The following SLC10A7 variants were observed in gnomAD, a reference collection of about 807,000 sequenced individuals.
The protein encoded by SLC10A7 is sodium/bile acid cotransporter 7.
In SLC10A7, 29 loss-of-function variants were observed where a neutral mutation model predicts 43.2. The observed-to-expected ratio is 0.67, with a 90% CI of 0.50 to 0.92. The LOEUF (loss-of-function observed/expected upper bound fraction) is 0.92. SLC10A7 is among the 40% of genes least tolerant of loss of function. The pLI, the probability that SLC10A7 is intolerant of heterozygous loss-of-function variation, is 0.00. For synonymous variants in SLC10A7, 152 were observed against 144.8 expected, an observed-to-expected ratio of 1.05 and a Z score of -0.35; for missense variants, 295 against 403.2, an observed-to-expected ratio of 0.73 and a Z score of 2.30.
intron 7 of SLC10A7, among the ~76,000 whole-genome samples, 176 bp downstream of exon 7, chr4:146,305,750 T>G (rs138373714): frequency 6.6e-6 from 1 of 152,046 alleles, no homozygotes; most frequent in African/African-American, 2.4e-5. Context: ...AGATTAGTAT[T>G]AATTTAAAAA....
chr4:146,506,455 A>G (rs17021551), intron 3 of SLC10A7, among the ~76,000 whole-genome samples: 7,035 of 152,160 alleles, frequency 0.046, 510 homozygotes, highest in African/African-American at 0.16. Flanking sequence ...ATACAATCCC[A>G]CTTTTCTCAT....
At chr4:146,392,848 A>T (rs1738540480) in intron 5 of SLC10A7, among the ~76,000 whole-genome samples, 1 of 152,072 alleles carries the variant, frequency 6.6e-6, no homozygotes, top group Non-Finnish European at 1.5e-5. Context: ...CCCACAAGAC[A>T]CTGCATGACC....
At chr4:146,442,680 T>C in intron 5 of SLC10A7, 103 bp downstream of exon 5, 1 of 1,534,182 alleles carries the variant, frequency 6.5e-7, no homozygotes, top group South Asian at 1.3e-5. Flanking sequence ...ACAATTTTTA[T>C]ACTTAACCAA....
chr4:146,517,495 A>G (rs1174166674), intron 1 of SLC10A7, among the ~76,000 whole-genome samples: 1 of 152,024 alleles, frequency 6.6e-6, no homozygotes, highest in East Asian at 1.9e-4. Flanking sequence ...TAACAACAAT[A>G]ATAATCTACT....
chr4:146,325,603 C>A (rs1028657496), intron 6 of SLC10A7, among the ~76,000 whole-genome samples: 1 of 152,144 alleles, frequency 6.6e-6, no homozygotes, highest in African/African-American at 2.4e-5. Context: ...GGTCCTAGGG[C>A]TCTTTCTGTT....
chr4:146,519,528 G>A (rs1738419705), intron 1 of SLC10A7, among the ~76,000 whole-genome samples: 1 of 151,938 alleles, frequency 6.6e-6, no homozygotes, highest in South Asian at 2.1e-4. Context: ...AAAAGGCATT[G>A]CATTTGGGGG....
At chr4:146,342,687 T>G (rs1055805871) in intron 5 of SLC10A7, among the ~76,000 whole-genome samples, 4 of 151,746 alleles carry the variant, frequency 2.6e-5, no homozygotes, top group Non-Finnish European at 4.4e-5. Flanking sequence ...ATAATACTAC[T>G]TAAACCATAT....
At chr4:146,429,558 T>C (rs1246596393) in intron 5 of SLC10A7, among the ~76,000 whole-genome samples, 1 of 152,156 alleles carries the variant, frequency 6.6e-6, no homozygotes, top group Non-Finnish European at 1.5e-5. Context: ...AATTATATAC[T>C]ATGTTGGAAG....
rs1449621629 is a variant in SLC10A7 at position 146,451,237 on chromosome 4, A to AG, written c.397-8417_397-8416insC. ...TGAATCAGAAGTCTCCCACCAAAAA[A>AG]AAAAAAAAAAAAACAAAAAAAAACC... On this transcript the variant is annotated intron_variant, in intron 4 of 11. Coordinates refer to ENST00000335472, the MANE Select transcript of SLC10A7 (RefSeq NM_001029998.6). 4.1e-5 allele frequency among the ~76,000 whole-genome samples: 6 copies of AG among 147,844 alleles called. No individual in the cohort carries two copies. The East Asian group carries it at 1.2e-3, about 29-fold the overall frequency.
chr4:146,291,112 A>G (rs1730416726), intron 9 of SLC10A7, among the ~76,000 whole-genome samples: 1 of 152,208 alleles, frequency 6.6e-6, no homozygotes, highest in African/African-American at 2.4e-5. Flanking sequence ...CATTAACAGG[A>G]TATCTGCATC....
chr4:146,346,918 A>AG (rs1347890334), intron 5 of SLC10A7, among the ~76,000 whole-genome samples: 1 of 152,034 alleles, frequency 6.6e-6, no homozygotes, highest in Admixed American at 6.6e-5. Context: ...ACCCAAGAGG[A>AG]GGGGGGAAAC....
chr4:146,268,059 G>A (rs566381774), intron 10 of SLC10A7, among the ~76,000 whole-genome samples: 19 of 152,138 alleles, frequency 1.2e-4, no homozygotes, highest in Non-Finnish European at 1.2e-4. Context: ...CACACAGGAC[G>A]TGTCAGCCAA....
Position 146,467,342 on chromosome 4 carries a change from T to C in SLC10A7, c.397-24521A>G, listed in dbSNP as rs141620105. ...TTTTTCTACACAACTTTTGCTGCTA[T>C]GCTTTACTAGTAAAACAGGGACTAG... is the stretch of plus-strand genomic sequence containing the variant. On this transcript the variant is annotated intron_variant, in intron 4 of 11. Coordinates refer to ENST00000335472, the MANE Select transcript of SLC10A7 (RefSeq NM_001029998.6). 1.4e-3 allele frequency among the ~76,000 whole-genome samples: 208 copies of C among 152,182 alleles called. 1 individual carries two copies. Among genetic ancestry groups the C allele is most frequent in the Admixed American group, 2.7e-3 (42 of 15,276 alleles).
At chr4:146,342,420 C>G (rs1233759744) in intron 5 of SLC10A7, among the ~76,000 whole-genome samples, 2 of 151,444 alleles carry the variant, frequency 1.3e-5, no homozygotes, top group Non-Finnish European at 3.0e-5. Flanking sequence ...TATTAGAGAA[C>G]AGCAAATACA....
chr4:146,374,948 G>A (rs1162479518), intron 5 of SLC10A7, among the ~76,000 whole-genome samples: 1 of 152,182 alleles, frequency 6.6e-6, no homozygotes, highest in Non-Finnish European at 1.5e-5. Flanking sequence ...GCTTACGCCT[G>A]TAATCCTAGC....
chr4:146,395,447 T>C (rs1738756621), intron 5 of SLC10A7, among the ~76,000 whole-genome samples: 1 of 152,160 alleles, frequency 6.6e-6, no homozygotes, highest in South Asian at 2.1e-4. Flanking sequence ...ATTTCATAGA[T>C]TTATGTGTAC....
rs879889423 is a variant in SLC10A7 at position 146,497,919 on chromosome 4, G to GA, written c.396+5929dup. Among the ~76,000 whole-genome samples the GA allele has an allele frequency of 7.5e-3, 1,094 of 146,320 alleles. 2 individuals carry two copies. The highest frequency in any genetic ancestry group is 0.027 in the South Asian group (125 of 4,630). ...AAAACCTTTGTAAGGCTTTTGGAGG[G>GA]AAAAAAAAAATCAAAAAAATTTTTT... On this transcript the variant is annotated intron_variant, in intron 4 of 11. Coordinates refer to ENST00000335472, the MANE Select transcript of SLC10A7 (RefSeq NM_001029998.6).
At chr4:146,368,676 T>C (rs985083341) in intron 5 of SLC10A7, among the ~76,000 whole-genome samples, 1 of 152,200 alleles carries the variant, frequency 6.6e-6, no homozygotes, top group African/African-American at 2.4e-5. Flanking sequence ...AGCTATTAAA[T>C]TGGCTTTGAG....
chr4:146,354,212 A>G (rs1395126856), intron 5 of SLC10A7, among the ~76,000 whole-genome samples: 1 of 148,260 alleles, frequency 6.7e-6, no homozygotes. Flanking sequence ...AAATCAATGT[A>G]CAAAAATCAC....
Sources: gnomAD v4.1 joint callset for allele counts (sites outside exome capture counted in the v4.1 genomes callset) on GRCh38, gnomAD v4.1.1 for gene constraint, MANE v1.5 for transcripts, NCBI Gene and HGNC (gene_info 2026-07-23, HGNC 2026-07-21) for gene names.